The following FGF14 variants were observed in gnomAD, a reference collection of about 807,000 sequenced individuals.
FGF14 encodes fibroblast growth factor 14.
In FGF14, 5 loss-of-function variants were observed where a neutral mutation model predicts 25.5. The observed-to-expected ratio is 0.20, with a 90% CI of 0.10 to 0.41. The LOEUF (loss-of-function observed/expected upper bound fraction) is 0.41. Among genes scored for constraint, FGF14 ranks in the 10% least tolerant of loss-of-function variants. FGF14 has a pLI of 1.00. For synonymous variants in FGF14, 138 were observed against 118.3 expected (o/e 1.17, Z -1.08); for missense variants, 222 against 320.1 (o/e 0.69, Z 2.34).
chr13:102,016,097 G>A (rs1208458697), intron 1 of FGF14, among the ~76,000 whole-genome samples: 2 of 152,068 alleles, frequency 1.3e-5, no homozygotes, highest in Non-Finnish European at 2.9e-5. Context: ...TTGCATTTGA[G>A]TGGCCAATAT....
upstream of FGF14, among the ~76,000 whole-genome samples, chr13:101,917,083 G>A (rs911193581): frequency 7.9e-5 from 12 of 151,572 alleles, no homozygotes; most frequent in South Asian, 1.4e-3. Context: ...GCTGGAGGGC[G>A]GGTCCCGGCA....
intron 1 of FGF14, among the ~76,000 whole-genome samples, chr13:102,371,229 C>A (rs1722383710): frequency 6.6e-6 from 1 of 152,148 alleles, no homozygotes; most frequent in African/African-American, 2.4e-5. Flanking sequence ...TCTTCATGGG[C>A]TCCTCTTGCC....
intron 1 of FGF14, among the ~76,000 whole-genome samples, chr13:102,297,457 T>C (rs1186885203): frequency 2.0e-5 from 3 of 152,164 alleles, no homozygotes; most frequent in Non-Finnish European, 4.4e-5. Context: ...TATTGATTCA[T>C]TAGTAGTTAT....
chr13:101,953,379 G>A (rs1324801602), intron 1 of FGF14, among the ~76,000 whole-genome samples: 1 of 151,870 alleles, frequency 6.6e-6, no homozygotes, highest in Non-Finnish European at 1.5e-5. Context: ...ACCCAGCAGG[G>A]GATCTGGGAG....
intron 1 of FGF14, among the ~76,000 whole-genome samples, chr13:102,134,204 A>C (rs1399891380): frequency 3.3e-5 from 5 of 152,152 alleles, no homozygotes; most frequent in African/African-American, 1.2e-4. Flanking sequence ...CATGGTAGGA[A>C]AAAAGCCTGT....
chr13:102,240,455 C>T (rs577808136), intron 1 of FGF14, among the ~76,000 whole-genome samples: 16 of 152,258 alleles, frequency 1.1e-4, no homozygotes, highest in Non-Finnish European at 2.4e-4. Context: ...CATTTCCCGG[C>T]AAATTCAAGA....
At chr13:101,924,209 C>T (rs2034204973) in intron 1 of FGF14, among the ~76,000 whole-genome samples, 1 of 152,070 alleles carries the variant, frequency 6.6e-6, no homozygotes, top group Non-Finnish European at 1.5e-5. Context: ...AGTCCCTGTG[C>T]ACATGTGATA....
At chr13:101,745,710 T>C (rs2036841188) in intron 3 of FGF14, among the ~76,000 whole-genome samples, 3 of 152,106 alleles carry the variant, frequency 2.0e-5, no homozygotes, top group Non-Finnish European at 4.4e-5. Flanking sequence ...GATACTGTTT[T>C]AAATGTAGAT....
intron 1 of FGF14, among the ~76,000 whole-genome samples, chr13:101,939,387 C>A (rs1467605720): frequency 6.6e-6 from 1 of 152,160 alleles, no homozygotes; most frequent in Non-Finnish European, 1.5e-5. Context: ...CCACAGGCAG[C>A]TTACTAAACA....
chr13:101,943,822 A>ATAT lies in FGF14; in HGVS notation c.209-68527_209-68526insATA, dbSNP rs1266549387. Among the ~76,000 whole-genome samples, 193 of 122,446 alleles carry ATAT rather than the reference A, an allele frequency of 1.6e-3. 2 individuals are homozygous for ATAT. The highest frequency in any genetic ancestry group is 8.8e-3 in the African/African-American group (179 of 20,418). 80.3% of individuals were successfully genotyped at this position (122,446 alleles called of 152,430 possible). A position where few individuals can be genotyped will look rare whatever the true frequency, so the allele number is the denominator to read the frequency against. Reference sequence around the variant, plus strand: ...ATCCCTGTCTCTACTTAAAAAAAAAAAAAAATATATATATATATATATTCA... The same window carrying ATAT: ...ATCCCTGTCTCTACTTAAAAAAAAAATATAAAAATATATATATATATATATTCA... On this transcript the variant is annotated intron_variant, in intron 1 of 4. Coordinates refer to the FGF14 transcript ENST00000376131.
At chr13:102,069,595 GGAAC>G (rs1422870087) in intron 1 of FGF14, among the ~76,000 whole-genome samples, 2 of 151,948 alleles carry the variant, frequency 1.3e-5, no homozygotes, top group Non-Finnish European at 2.9e-5. Flanking sequence ...CCCACCGGGA[GGAAC>G]GAACAACTCC....
intron 1 of FGF14, among the ~76,000 whole-genome samples, chr13:102,226,447 C>G (rs959226318): frequency 1.3e-5 from 2 of 152,162 alleles, no homozygotes; most frequent in African/African-American, 4.8e-5. Flanking sequence ...TGTATAATGC[C>G]TATTTCAATA....
intron 1 of FGF14, among the ~76,000 whole-genome samples, chr13:102,258,446 G>T (rs2052556367): frequency 6.6e-6 from 1 of 152,078 alleles, no homozygotes; most frequent in Non-Finnish European, 1.5e-5. Context: ...ATTGGCTGAG[G>T]TCCTCTGTCT....
chr13:102,124,164 AAAG>A (rs1162591427), intron 1 of FGF14, among the ~76,000 whole-genome samples: 1 of 152,168 alleles, frequency 6.6e-6, no homozygotes, highest in African/African-American at 2.4e-5. Flanking sequence ...GAAAGAATAG[AAAG>A]AAGTATTAAT....
intron 3 of FGF14, among the ~76,000 whole-genome samples, chr13:101,794,270 T>C (rs2040399908): frequency 6.6e-6 from 1 of 152,070 alleles, no homozygotes; most frequent in African/African-American, 2.4e-5. Flanking sequence ...CTCTAGTCAT[T>C]CCTAGCACTT....
At chr13:102,054,684 G>A (rs533993908) in intron 1 of FGF14, among the ~76,000 whole-genome samples, 4 of 152,070 alleles carry the variant, frequency 2.6e-5, no homozygotes, top group East Asian at 1.9e-4. Flanking sequence ...ACTATACATC[G>A]CATCTGGATG....
At chr13:101,788,899 TATATATATATAGAGAG>T (rs1357353259) in intron 3 of FGF14, among the ~76,000 whole-genome samples, 179 of 47,340 alleles carry the variant, frequency 3.8e-3, no homozygotes, top group African/African-American at 6.6e-3. Flanking sequence ...TATATATATA[TATATATATATAGAGAG>T]AGAGAGAGAG....
intron 3 of FGF14, among the ~76,000 whole-genome samples, chr13:101,852,783 G>A (rs761337484): frequency 1.3e-5 from 2 of 151,984 alleles, no homozygotes; most frequent in South Asian, 2.1e-4. Context: ...TTCCCAACAC[G>A]ATATGCAAAT....
chr13:102,084,596 C>G (rs988923951), intron 1 of FGF14, among the ~76,000 whole-genome samples: 16 of 152,076 alleles, frequency 1.1e-4, no homozygotes, highest in Non-Finnish European at 2.1e-4. Flanking sequence ...TCGGTTCTGG[C>G]ATGGAGAAAT....
Sources: gnomAD v4.1 joint callset for allele counts (sites outside exome capture counted in the v4.1 genomes callset) on GRCh38, gnomAD v4.1.1 for gene constraint, MANE v1.5 for transcripts, NCBI Gene and HGNC (gene_info 2026-07-23, HGNC 2026-07-21) for gene names.